The following FAM81A variants were observed in gnomAD, a reference collection of about 807,000 sequenced individuals.
The protein encoded by FAM81A is family with sequence similarity 81 member A.
In FAM81A, 19 loss-of-function variants were observed where a neutral mutation model predicts 46.7. That is an observed-to-expected ratio of 0.41 (90% CI 0.28 to 0.60). The LOEUF (loss-of-function observed/expected upper bound fraction) is 0.60. Among genes scored for constraint, FAM81A ranks in the 20% least tolerant of loss-of-function variants. The pLI is 0.34. For synonymous variants in FAM81A, 183 were observed against 152.9 expected, an observed-to-expected ratio of 1.20 and a Z score of -1.45; for missense variants, 377 against 453.5, an observed-to-expected ratio of 0.83 and a Z score of 1.53.
upstream of FAM81A, among the ~76,000 whole-genome samples, chr15:59,436,707 T>C (rs559065084): frequency 1.4e-4 from 22 of 152,284 alleles, no homozygotes; most frequent in Middle Eastern, 3.4e-3. Context: ...CAATTCAATA[T>C]GTATTTACCT....
intron 8 of FAM81A, among the ~76,000 whole-genome samples, chr15:59,519,578 C>G (rs1371536122): frequency 6.7e-6 from 1 of 149,754 alleles, no homozygotes; most frequent in Non-Finnish European, 1.5e-5. Context: ...CCCTTCCCTT[C>G]CCTTCCTTTC....
At chr15:59,518,138 A>G (rs1193197597) in intron 8 of FAM81A, among the ~76,000 whole-genome samples, 4 of 143,610 alleles carry the variant, frequency 2.8e-5, no homozygotes, top group Non-Finnish European at 4.5e-5. Flanking sequence ...ACGGCCGGCT[A>G]ATTTTTTTTT....
chr15:59,519,583 C>T (rs62013144), intron 8 of FAM81A, among the ~76,000 whole-genome samples: 2,190 of 150,242 alleles, frequency 0.015, 21 homozygotes, highest in Non-Finnish European at 0.022. Context: ...CCCTTCCCTT[C>T]CTTTCCCTTC....
intron 1 of FAM81A, among the ~76,000 whole-genome samples, chr15:59,452,051 G>C (rs76096699): frequency 2.0e-5 from 3 of 152,130 alleles, no homozygotes; most frequent in South Asian, 4.2e-4. Flanking sequence ...AGTGTTTGCC[G>C]AATTTCAGTA....
At chr15:59,518,209 C>G (rs2082287680) in intron 8 of FAM81A, among the ~76,000 whole-genome samples, 1 of 151,502 alleles carries the variant, frequency 6.6e-6, no homozygotes, top group South Asian at 2.1e-4. Flanking sequence ...AACCCCCAAC[C>G]TCAAATGATC....
intron 1 of FAM81A, among the ~76,000 whole-genome samples, chr15:59,438,848 G>C (rs541649227): frequency 3.3e-5 from 5 of 152,260 alleles, no homozygotes; most frequent in Non-Finnish European, 4.4e-5. Flanking sequence ...GGTAAGAAAT[G>C]TTATCGTTGT....
At chr15:59,516,556 A>C in intron 7 of FAM81A, 89 bp from the exon 8 acceptor site, 1 of 1,319,032 alleles carries the variant, frequency 7.6e-7, no homozygotes, top group South Asian at 1.4e-5. Flanking sequence ...TTTCTTGCAG[A>C]TTGTTGTTAA....
intron 2 of FAM81A, among the ~76,000 whole-genome samples, chr15:59,428,747 C>T (rs1001306741): frequency 1.3e-5 from 2 of 149,668 alleles, no homozygotes; most frequent in African/African-American, 4.9e-5. Context: ...TCTCATGCCT[C>T]AACCTCCCAA....
At chr15:59,519,522 CCTTT>C (rs1192538672) in intron 8 of FAM81A, among the ~76,000 whole-genome samples, 11 of 138,606 alleles carry the variant, frequency 7.9e-5, no homozygotes, top group African/African-American at 2.6e-4. Context: ...CTCTTTCTTT[CCTTT>C]CTTTCTCTTT....
At chr15:59,495,268 AT>A (rs1366067331) in intron 4 of FAM81A, among the ~76,000 whole-genome samples, 4 of 152,086 alleles carry the variant, frequency 2.6e-5, no homozygotes, top group South Asian at 2.1e-4. Flanking sequence ...TCTTCTGAGC[AT>A]TTCGAGTGAA....
rs2082326911 is a variant in FAM81A at position 59,521,398 on chromosome 15, C to T, written c.*20C>T. The T allele has an allele frequency of 1.3e-6, 2 of 1,587,420 alleles. No homozygotes were observed. Among genetic ancestry groups the T allele is most frequent in the African/African-American group, 2.7e-5 (2 of 74,234 alleles). On this transcript the variant is annotated 3_prime_UTR_variant, in exon 9 of 9. Transcript: ENST00000288228. The stretch of plus-strand genomic sequence containing the variant: ...ATGTGAAGGGAGCTGGGACAAGGTC[C>T]TAAAAGACAGTTTTGCCAGTGGGGC...
rs1472350019 is a variant in FAM81A, at chr15:59,460,497, A to G, written c.294+291A>G. The G allele has an allele frequency of 2.1e-6, 1 of 469,846 alleles. No homozygotes were observed. The highest frequency in any genetic ancestry group is 3.9e-6 in the Non-Finnish European group (1 of 256,168). The allele number at this position is 469,846 out of a possible 1,614,324, so 29.1% of individuals were successfully genotyped here. A position where few individuals can be genotyped will look rare whatever the true frequency, so the allele number is the denominator to read the frequency against. ...TGGCTCTTAATGAAGAGAGAGAAGA[A>G]CTAGTCGAATAGTTTCACTCTATAA... On this transcript the variant is annotated intron_variant, in intron 3 of 8. Transcript: ENST00000288228. This position sits in a 1 kb window ranked among gnomAD's most constrained non-coding sequence, Gnocchi z 4.4.
chr15:59,416,290 A>T (rs1377827800), intron 2 of FAM81A, among the ~76,000 whole-genome samples: 1 of 152,144 alleles, frequency 6.6e-6, no homozygotes, highest in African/African-American at 2.4e-5. Flanking sequence ...CGTCCTGGGG[A>T]CCTTCTGGGA....
intron 3 of FAM81A, among the ~76,000 whole-genome samples, chr15:59,465,416 G>T (rs1307917267): frequency 6.6e-6 from 1 of 152,166 alleles, no homozygotes; most frequent in Non-Finnish European, 1.5e-5. Context: ...GAGATTACAG[G>T]CACATGTCAT....
intron 2 of FAM81A, among the ~76,000 whole-genome samples, chr15:59,421,616 G>C (rs1356640903): frequency 6.6e-6 from 1 of 152,050 alleles, no homozygotes; most frequent in Admixed American, 6.6e-5. Flanking sequence ...TGTATTTATT[G>C]CTGGCCTATA....
chr15:59,442,534 T>C (rs1160348755), intron 1 of FAM81A, among the ~76,000 whole-genome samples: 1 of 149,668 alleles, frequency 6.7e-6, no homozygotes, highest in African/African-American at 2.5e-5. Flanking sequence ...GGAGAATTGC[T>C]TGAACCCAGA....
upstream of FAM81A, among the ~76,000 whole-genome samples, chr15:59,437,364 G>T (rs1397169845): frequency 2.0e-5 from 3 of 151,802 alleles, no homozygotes; most frequent in African/African-American, 7.3e-5. Flanking sequence ...CGTGTCCCCC[G>T]CAACTCCGCT....
At chr15:59,441,896 T>C (rs1333466752) in intron 1 of FAM81A, among the ~76,000 whole-genome samples, 2 of 152,208 alleles carry the variant, frequency 1.3e-5, no homozygotes, top group Non-Finnish European at 2.9e-5. Context: ...CCCGCAGTAG[T>C]ATTTAAAGAG....
At position 59,507,224 on chromosome 15, in the gene FAM81A, G is replaced by A; in HGVS notation, c.425G>A (p.Ser142Asn). The change falls in exon 5 of 9, where the codon AGC becomes AAC. Residue 142 changes from serine (S) to asparagine (N), a missense_variant. By Grantham distance (46) the Ser-to-Asn change is conservative. Transcript: ENST00000288228. ...CTTTGTCTGGACAGATGTGATGCCAGCATAGCTAGACTTTCTGCAGAGCAC... is the reference window on the plus strand; with the variant it reads ...CTTTGTCTGGACAGATGTGATGCCAACATAGCTAGACTTTCTGCAGAGCAC... ...LRGRVARCDASIARLSAEHKT... is the reference protein window; with the variant it reads ...LRGRVARCDANIARLSAEHKT... The A allele has an allele frequency of 6.2e-7, 1 of 1,610,606 alleles. No homozygotes were observed. Among genetic ancestry groups the A allele is most frequent in the Non-Finnish European group, 8.5e-7 (1 of 1,178,318 alleles).
Sources: gnomAD v4.1 joint callset for allele counts (sites outside exome capture counted in the v4.1 genomes callset) on GRCh38, gnomAD v4.1.1 for gene constraint, Gnocchi (gnomAD v3.1) non-coding constraint, MANE v1.5 for transcripts, NCBI Gene and HGNC (gene_info 2026-07-23, HGNC 2026-07-21) for gene names.